MBNL2: variants seen among roughly 807,000 people sequenced by gnomAD.
The protein encoded by MBNL2 is muscleblind-like protein 2.
In MBNL2, 17 loss-of-function variants were observed where a neutral mutation model predicts 41.9. The observed-to-expected ratio is 0.41, with a 90% CI of 0.28 to 0.61. The LOEUF (loss-of-function observed/expected upper bound fraction) is 0.61, where lower values mean the gene tolerates loss of function less well. Ranked by LOEUF, MBNL2 falls within the 20% of genes least tolerant of loss-of-function variation. The pLI, the probability that MBNL2 is intolerant of heterozygous loss-of-function variation, is 0.35. For synonymous variants in MBNL2, 195 were observed against 182.9 expected (o/e 1.07, Z -0.53); for missense variants, 336 against 505.6 (o/e 0.66, Z 3.22).
intron 2 of MBNL2, among the ~76,000 whole-genome samples, chr13:97,294,057 C>T (rs2056633651): frequency 6.6e-6 from 1 of 151,782 alleles, no homozygotes; most frequent in Non-Finnish European, 1.5e-5. Context: ...TATCTTGTTT[C>T]ATTCTTTTAT....
chr13:97,252,433 G>T (rs1481094727), intron 1 of MBNL2, among the ~76,000 whole-genome samples: 1 of 151,760 alleles, frequency 6.6e-6, no homozygotes, highest in South Asian at 2.1e-4. Context: ...ATCCCTTTGA[G>T]GTTTTATTAA....
chr13:97,206,983 GCT>G, the MBNL2 span, among the ~76,000 whole-genome samples: 5 of 152,244 alleles, frequency 3.3e-5, no homozygotes, highest in East Asian at 7.7e-4. Context: ...CAGGTAACAG[GCT>G]TGTCTTCCTT....
At chr13:97,285,150 T>G (rs1018557926) in intron 2 of MBNL2, among the ~76,000 whole-genome samples, 1 of 152,170 alleles carries the variant, frequency 6.6e-6, no homozygotes, top group African/African-American at 2.4e-5. Context: ...TTTTAAAAAA[T>G]GACACAATAG....
intron 2 of MBNL2, among the ~76,000 whole-genome samples, chr13:97,278,223 C>T (rs1288810414): frequency 1.5e-5 from 2 of 137,304 alleles, no homozygotes; most frequent in Non-Finnish European, 1.5e-5. Context: ...CACTGCACTC[C>T]AGCCTGGGTG....
At chr13:97,315,941 A>G (rs1455081229) in intron 2 of MBNL2, among the ~76,000 whole-genome samples, 3 of 152,112 alleles carry the variant, frequency 2.0e-5, no homozygotes, top group Non-Finnish European at 4.4e-5. Context: ...TGGAGGAGAG[A>G]GATACACTCA....
At chr13:97,227,476 A>AT (rs1271443785) in intron 1 of MBNL2, among the ~76,000 whole-genome samples, 1 of 152,236 alleles carries the variant, frequency 6.6e-6, no homozygotes, top group African/African-American at 2.4e-5. Context: ...CAGAAGGAGA[A>AT]TTAACATATG....
At chr13:97,181,492 A>G in the MBNL2 span, among the ~76,000 whole-genome samples, 1 of 152,196 alleles carries the variant, frequency 6.6e-6, no homozygotes, top group Non-Finnish European at 1.5e-5. Context: ...GCCAGGGGAA[A>G]TGATGAAATG....
At chr13:97,195,037 A>G in the MBNL2 span, among the ~76,000 whole-genome samples, 1 of 152,124 alleles carries the variant, frequency 6.6e-6, no homozygotes, top group African/African-American at 2.4e-5. Flanking sequence ...TGCTTCTCTA[A>G]TAAAGTTGCT....
chr13:97,238,176 A>G (rs903520289), intron 1 of MBNL2, among the ~76,000 whole-genome samples: 1 of 152,216 alleles, frequency 6.6e-6, no homozygotes, highest in Non-Finnish European at 1.5e-5. Context: ...AGCCCAATGT[A>G]TATTTGGAAT....
At chr13:97,166,558 A>G in the MBNL2 span, among the ~76,000 whole-genome samples, 1 of 152,192 alleles carries the variant, frequency 6.6e-6, no homozygotes, top group African/African-American at 2.4e-5. Context: ...ATCAGCTGTC[A>G]GTGAGGCTAG....
chr13:97,146,442 T>C, the MBNL2 span, among the ~76,000 whole-genome samples: 1 of 152,184 alleles, frequency 6.6e-6, no homozygotes, highest in Non-Finnish European at 1.5e-5. Context: ...GTTTGTAGCT[T>C]ACAAATATTA....
At chr13:97,250,144 T>A (rs2046242792) in intron 1 of MBNL2, among the ~76,000 whole-genome samples, 1 of 152,222 alleles carries the variant, frequency 6.6e-6, no homozygotes, top group African/African-American at 2.4e-5. Flanking sequence ...ACACCAATAA[T>A]TCTTAGGTTG....
the MBNL2 span, among the ~76,000 whole-genome samples, chr13:97,175,842 G>T: frequency 6.6e-6 from 1 of 152,180 alleles, no homozygotes; most frequent in Non-Finnish European, 1.5e-5. Context: ...TAGAGTTGCA[G>T]ACCTCCAGTG....
At chr13:97,147,478 T>A in the MBNL2 span, among the ~76,000 whole-genome samples, 1 of 152,204 alleles carries the variant, frequency 6.6e-6, no homozygotes, top group Non-Finnish European at 1.5e-5. Flanking sequence ...GGAATGATTT[T>A]TTTTTTACCT....
At chr13:97,312,631 T>C (rs547159711) in intron 2 of MBNL2, among the ~76,000 whole-genome samples, 1 of 152,236 alleles carries the variant, frequency 6.6e-6, no homozygotes, top group Non-Finnish European at 1.5e-5. Flanking sequence ...TTGGTCTTCA[T>C]AACCCATAGT....
At chr13:97,225,089 C>T (rs1467346472) in intron 1 of MBNL2, among the ~76,000 whole-genome samples, 1 of 152,242 alleles carries the variant, frequency 6.6e-6, no homozygotes, top group Non-Finnish European at 1.5e-5. Flanking sequence ...AGCCTGCCTT[C>T]TCTCTGCTAG....
the MBNL2 span, among the ~76,000 whole-genome samples, chr13:97,164,620 A>G: frequency 6.6e-6 from 1 of 152,120 alleles, no homozygotes; most frequent in Non-Finnish European, 1.5e-5. Context: ...AGCCTAACAG[A>G]AACTTTTTTT....
intron 7 of MBNL2, among the ~76,000 whole-genome samples, chr13:97,359,586 GATGAAATGTATCTC>G (rs145370462): frequency 0.011 from 1,629 of 152,254 alleles, 22 homozygotes; most frequent in African/African-American, 0.035. Flanking sequence ...GATTTTTGTT[GATGAAATGTATCTC>G]ATGAAGGACC....
intron 1 of MBNL2, among the ~76,000 whole-genome samples, chr13:97,248,415 G>A (rs536623069): frequency 1.6e-4 from 24 of 152,310 alleles, no homozygotes; most frequent in African/African-American, 5.1e-4. Context: ...GATTACTGGC[G>A]TGAGCCACCG....
Sources: gnomAD v4.1 joint callset for allele counts (sites outside exome capture counted in the v4.1 genomes callset) on GRCh38, gnomAD v4.1.1 for gene constraint, MANE v1.5 for transcripts, NCBI Gene and HGNC (gene_info 2026-07-23, HGNC 2026-07-21) for gene names.